The following C10orf67 variants were observed in gnomAD, a reference collection of about 807,000 sequenced individuals.
The protein encoded by C10orf67 is uncharacterized protein C10orf67, mitochondrial.
Under a neutral mutation model 35.6 loss-of-function variants are expected in C10orf67, and 60 were observed. The ratio of observed to expected loss-of-function variants is 1.68; its 90% CI spans 1.37 to 2.09. The LOEUF is 2.09. C10orf67 is among the 30% of genes most tolerant of loss of function. The pLI, the probability that C10orf67 is intolerant of heterozygous loss-of-function variation, is 0.00. For missense variants in C10orf67, 474 were observed against 330.2 expected (o/e 1.44, Z -3.38); for synonymous variants, 167 against 115.8 (o/e 1.44, Z -2.84).
intron 8 of C10orf67, among the ~76,000 whole-genome samples, chr10:23,281,521 C>A (rs1037680278): frequency 6.6e-6 from 1 of 150,860 alleles, no homozygotes; most frequent in African/African-American, 2.4e-5. Context: ...TGTGGCGGGG[C>A]TGGGGGCTGG....
At chr10:23,225,767 C>T (rs1367289712) in intron 13 of C10orf67, among the ~76,000 whole-genome samples, 3 of 152,088 alleles carry the variant, frequency 2.0e-5, no homozygotes, top group African/African-American at 7.2e-5. Flanking sequence ...TCAAAAAAGA[C>T]AAAGCAGGCC....
Position 23,250,605 on chromosome 10 carries a change from C to G in C10orf67, c.1280+7G>C. 1 of 398,632 alleles carries G rather than the reference C, an allele frequency of 2.5e-6. No individual in the cohort carries two copies. The highest frequency in any genetic ancestry group is 4.4e-6 in the Non-Finnish European group (1 of 225,874). The allele number at this position is 398,632 out of a possible 1,614,324, so 24.7% of individuals were successfully genotyped here. ...ATTACCAGTGCCTTTTACTCTATTA[C>G]CAGTACCTTTCCACCTTCTTTTTCT... is the stretch of plus-strand genomic sequence containing the variant. On this transcript the variant is annotated splice_region_variant and intron_variant, in intron 11 of 15. Transcript: ENST00000636213.
At position 23,303,600 on chromosome 10, in the gene C10orf67, T is replaced by C. The variant is rs572563957; in HGVS notation, c.547-141A>G. Reference sequence around the variant, plus strand: ...CTTTTAAGCTACTGTTTTGTGAAGGTTATTTTTGTAACCTGCATACAATTT... The same window carrying C: ...CTTTTAAGCTACTGTTTTGTGAAGGCTATTTTTGTAACCTGCATACAATTT... On this transcript the variant is annotated intron_variant, in intron 4 of 15. Coordinates refer to ENST00000636213, the MANE Select transcript of C10orf67 (RefSeq NM_001371909.1). 2.5e-4 allele frequency: 106 copies of C among 429,372 alleles called. 2 individuals are homozygous for C. In the South Asian group the frequency reaches 5.0e-3, roughly 20 times the overall value. The allele number at this position is 429,372 out of a possible 1,614,324, so 26.6% of individuals were successfully genotyped here.
rs542074586 is a variant in C10orf67, at chr10:23,225,578, T to C, written c.1435-1760A>G. Among the ~76,000 whole-genome samples the C allele has an allele frequency of 2.0e-5, 3 of 151,978 alleles. No individual in the cohort carries two copies. The East Asian group carries it at 5.8e-4, about 30-fold the overall frequency. On this transcript the variant is annotated intron_variant, in intron 13 of 15. Coordinates refer to ENST00000636213, the MANE Select transcript of C10orf67 (RefSeq NM_001371909.1). ...CAATTAAAAGACACAGACTGGCAAATTGGAAAAAGAGTCAAGACCCATCAG... is the reference window on the plus strand; with the variant it reads ...CAATTAAAAGACACAGACTGGCAAACTGGAAAAAGAGTCAAGACCCATCAG...
chr10:23,336,537 C>G (rs1005582179), intron 1 of C10orf67, among the ~76,000 whole-genome samples: 2 of 152,136 alleles, frequency 1.3e-5, no homozygotes, highest in African/African-American at 4.8e-5. Flanking sequence ...TTTTTTGAGA[C>G]AGAGTCTTGC....
intron 7 of C10orf67, among the ~76,000 whole-genome samples, chr10:23,288,939 A>C (rs542565075): frequency 6.6e-6 from 1 of 152,268 alleles, no homozygotes; most frequent in Non-Finnish European, 1.5e-5. Flanking sequence ...CGTGCTCCCC[A>C]CTAAGAGACC....
At chr10:23,259,786 G>C (rs998957704) in intron 10 of C10orf67, among the ~76,000 whole-genome samples, 2 of 151,988 alleles carry the variant, frequency 1.3e-5, no homozygotes, top group Non-Finnish European at 2.9e-5. Flanking sequence ...TTTGTTGGAT[G>C]GGCTCATCAA....
chr10:23,214,629 G>T (rs2132091556), intron 15 of C10orf67, among the ~76,000 whole-genome samples: 1 of 152,204 alleles, frequency 6.6e-6, no homozygotes, highest in Admixed American at 6.5e-5. Context: ...AAAAAGTAGA[G>T]CAAATTAATA....
At chr10:23,234,961 G>A (rs1304511034) in intron 13 of C10orf67, among the ~76,000 whole-genome samples, 3 of 132,814 alleles carry the variant, frequency 2.3e-5, no homozygotes, top group African/African-American at 5.7e-5. Flanking sequence ...GCGGTGAGCC[G>A]AGATCGCACC....
At position 23,266,435 on chromosome 10, in the gene C10orf67, CA is replaced by C; in HGVS notation, c.1036-10del. ...TTGGCTGATCTTGCAACCTGCCACACAAAAAGACACAACTTTGTTATTCTCA... is the reference window on the plus strand; with the variant it reads ...TTGGCTGATCTTGCAACCTGCCACACAAAAGACACAACTTTGTTATTCTCA... On this transcript the variant is annotated splice_polypyrimidine_tract_variant and intron_variant, in intron 9 of 15. Coordinates refer to ENST00000636213, the MANE Select transcript of C10orf67 (RefSeq NM_001371909.1). 2 of 398,552 alleles carry C rather than the reference CA, an allele frequency of 5.0e-6. No homozygotes were observed. Among genetic ancestry groups the C allele is most frequent in the Non-Finnish European group, 4.4e-6 (1 of 226,034 alleles). The allele number at this position is 398,552 out of a possible 1,614,324, so 24.7% of individuals were successfully genotyped here.
intron 4 of C10orf67, among the ~76,000 whole-genome samples, chr10:23,315,069 C>T (rs1844649954): frequency 6.6e-6 from 1 of 152,172 alleles, no homozygotes; most frequent in South Asian, 2.1e-4. Flanking sequence ...TATGACTAAG[C>T]CTTAACAAAC....
chr10:23,223,531 G>C (rs939356084), intron 15 of C10orf67, 67 bp downstream of exon 15: 3 of 709,232 alleles, frequency 4.2e-6, no homozygotes, highest in Non-Finnish European at 7.8e-6. Context: ...AAAAAGAAAA[G>C]CAAAGTTAAT....
At chr10:23,244,372 C>T (rs1458968374) in intron 12 of C10orf67, among the ~76,000 whole-genome samples, 3 of 152,124 alleles carry the variant, frequency 2.0e-5, no homozygotes, top group Non-Finnish European at 2.9e-5. Context: ...TCTGAAAAAT[C>T]AATGAGTTAG....
intron 15 of C10orf67, among the ~76,000 whole-genome samples, chr10:23,211,456 G>GAT (rs1841302717): frequency 7.0e-6 from 1 of 142,644 alleles, no homozygotes; most frequent in Non-Finnish European, 1.5e-5. Context: ...TTTGTGAGGC[G>GAT]GTGTGTGTGT....
chr10:23,322,683 G>A (rs1337131277), intron 2 of C10orf67, 146 bp from the exon 3 acceptor site: 18 of 582,432 alleles, frequency 3.1e-5, no homozygotes, highest in Admixed American at 9.4e-5. Flanking sequence ...CCTACTTACG[G>A]TGGTGAGCGG....
chr10:23,336,003 G>A (rs1046254273), intron 1 of C10orf67, among the ~76,000 whole-genome samples: 2 of 152,070 alleles, frequency 1.3e-5, no homozygotes, highest in African/African-American at 4.8e-5. Context: ...CAACATAGTG[G>A]TCAATGACAT....
At chr10:23,340,291 G>A (rs551545817) in intron 1 of C10orf67, among the ~76,000 whole-genome samples, 3 of 150,134 alleles carry the variant, frequency 2.0e-5, no homozygotes, top group East Asian at 3.9e-4. Context: ...GACTGCTTGA[G>A]CTTAGGAGTT....
At chr10:23,226,323 C>T (rs1196152443) in intron 13 of C10orf67, among the ~76,000 whole-genome samples, 2 of 152,130 alleles carry the variant, frequency 1.3e-5, no homozygotes, top group Non-Finnish European at 2.9e-5. Flanking sequence ...ACTGAACAAC[C>T]TGCTCCTGGA....
At chr10:23,325,592 T>A (rs1364716080) in intron 2 of C10orf67, among the ~76,000 whole-genome samples, 1 of 146,056 alleles carries the variant, frequency 6.8e-6, no homozygotes, top group South Asian at 2.2e-4. Flanking sequence ...ACAAAAAAAC[T>A]TCAGCATTCT....
Sources: allele counts gnomAD v4.1 joint callset (sites outside exome capture counted in the v4.1 genomes callset), GRCh38; gene constraint gnomAD v4.1.1; transcripts MANE v1.5; gene names NCBI Gene and HGNC (gene_info 2026-07-23, HGNC 2026-07-21).